Variants in GPR162 observed in about 807,000 individuals in gnomAD.
GPR162 encodes the protein G protein-coupled receptor 162, also known as probable G protein-coupled receptor 162.
A neutral mutation model predicts 44.9 loss-of-function variants in GPR162; 26 were observed. That is an observed-to-expected ratio of 0.58 (90% CI 0.42 to 0.80). The LOEUF (loss-of-function observed/expected upper bound fraction) is 0.80. Ranked by LOEUF, GPR162 falls within the 30% of genes least tolerant of loss-of-function variation. The pLI is 0.00. For synonymous variants in GPR162, 363 were observed against 335.2 expected (o/e 1.08, Z -0.91); for missense variants, 704 against 802.3 (o/e 0.88, Z 1.48).
chr12:6,826,500 C>T (rs1943358208), intron 4 of GPR162, 147 bp downstream of exon 4: 2 of 1,065,624 alleles, frequency 1.9e-6, no homozygotes, highest in African/African-American at 1.6e-5. Context: ...GCAAGAGAGG[C>T]ATCCCTTCAG....
At chr12:6,826,162 T>C (rs1943351810) in intron 3 of GPR162, 34 bp from the exon 4 acceptor site, 2 of 1,593,862 alleles carry the variant, frequency 1.3e-6, no homozygotes, top group African/African-American at 2.7e-5. Context: ...AGGCATTCCC[T>C]ACCTGTAACC....
At chr12:6,826,166 T>G (rs1555119991) in intron 3 of GPR162, 30 bp from the exon 4 acceptor site, 2 of 1,601,254 alleles carry the variant, frequency 1.2e-6, no homozygotes, top group Non-Finnish European at 1.7e-6. Flanking sequence ...ATTCCCTACC[T>G]GTAACCACTC....
chr12:6,826,814 A>C lies in GPR162; in HGVS notation c.1377A>C (p.Arg459Ser). Residue 459 changes from arginine (R) to serine (S), a missense_variant, in exon 5 of 5, where the codon AGA becomes AGC. This residue lies in a region of GPR162 where 404 missense variants were observed against 314.1 expected (regional missense o/e 1.29). Transcript: ENST00000311268. ...LGGPPEYLGQ[R>S]HRLEDEEDEE... Reference sequence around the variant, plus strand: ...GTCCTCCTGAGTACCTGGGACAAAGACACAGGTTGGAGGACGAGGAGGACG... The same window carrying C: ...GTCCTCCTGAGTACCTGGGACAAAGCCACAGGTTGGAGGACGAGGAGGACG... The C allele has an allele frequency of 1.9e-6, 3 of 1,610,352 alleles. No individual in the cohort carries two copies. Among genetic ancestry groups the C allele is most frequent in the Non-Finnish European group, 1.7e-6 (2 of 1,178,154 alleles).
Position 6,824,048 on chromosome 12 carries a change from G to T in GPR162, c.150G>T (p.Leu50=). The part of the protein sequence containing the change: ...AKQQKHKPLE[L]LLCFLAGTHI... ...AGCAGAAGCACAAGCCACTGGAGCTGCTGCTCTGCTTCCTAGCGGGCACAC... is the reference window on the plus strand; with the variant it reads ...AGCAGAAGCACAAGCCACTGGAGCTTCTGCTCTGCTTCCTAGCGGGCACAC... Residue 50 remains leucine (L), a synonymous_variant, in exon 2 of 5, where the codon CTG becomes CTT. Transcript: ENST00000311268. 6.2e-6 allele frequency: 10 copies of T among 1,612,936 alleles called. No homozygotes were observed. The highest frequency in any genetic ancestry group is 8.5e-6 in the Non-Finnish European group (10 of 1,179,832).
intron 3 of GPR162, 44 bp downstream of exon 3, chr12:6,825,717 A>G (rs782230530): frequency 2.7e-6 from 4 of 1,497,116 alleles, no homozygotes; most frequent in Non-Finnish European, 2.7e-6. Flanking sequence ...ACATCTGTCT[A>G]TTCCCTTTTC....
In GPR162 at chr12:6,822,083, C is replaced by T. The variant is rs1222063486; in HGVS notation, c.-432+183C>T. On this transcript the variant is annotated intron_variant, in intron 1 of 4. Transcript: ENST00000311268. This position sits in a 1 kb window ranked among gnomAD's most constrained non-coding sequence, Gnocchi z 4.2. ...CCCTTCACCCCAAAGGGCGAGGGAC[C>T]CCGTCGGCCAGGGAACCTCCCAGAT... Among the ~76,000 whole-genome samples, 2 of 152,166 alleles carry T rather than the reference C, an allele frequency of 1.3e-5. No individual in the cohort carries two copies. Among genetic ancestry groups the T allele is most frequent in the Non-Finnish European group, 2.9e-5 (2 of 68,020 alleles).
In GPR162 at chr12:6,826,180, C is replaced by T. The variant is rs1943352175; in HGVS notation, c.1058-16C>T. ...CATTCCCTACCTGTAACCACTCTGC[C>T]CATTTTCTCTCCTAGATGGGGGCTG... On this transcript the variant is annotated splice_polypyrimidine_tract_variant and intron_variant, in intron 3 of 4. Coordinates refer to ENST00000311268, the MANE Select transcript of GPR162 (RefSeq NM_019858.2). 1 of 1,609,414 alleles carries T rather than the reference C, an allele frequency of 6.2e-7. No individual in the cohort carries two copies. The highest frequency in any genetic ancestry group is 1.3e-5 in the African/African-American group (1 of 74,814).
chr12:6,825,017 C>T (rs1373754167), intron 2 of GPR162: 7 of 675,896 alleles, frequency 1.0e-5, no homozygotes, highest in African/African-American at 3.5e-5. Flanking sequence ...GCTCCATCAC[C>T]GTCCTTCAGT....
At position 6,826,311 on chromosome 12, in the gene GPR162, G is replaced by T; in HGVS notation, c.1173G>T (p.Arg391Ser). ...CCCAGGTGAAGCTGCTGCCTGGAAG[G>T]CACATGCTCTTCCCTCCTCTTGAGA... ...DPAQVKLLPG[R>S]HMLFPPLERV... Residue 391 changes from arginine to serine, a missense_variant, in exon 4 of 5, where the codon AGG (arginine) becomes AGT (serine). This residue lies in a region of GPR162 where 404 missense variants were observed against 314.1 expected (regional missense o/e 1.29). Transcript: ENST00000311268. The T allele has an allele frequency of 6.2e-7, 1 of 1,613,730 alleles. No homozygotes were observed.
In GPR162 at chr12:6,826,191, C is replaced by T; in HGVS notation, c.1058-5C>T. 2.5e-6 allele frequency: 4 copies of T among 1,612,126 alleles called. No homozygotes were observed. Among genetic ancestry groups the T allele is most frequent in the South Asian group, 2.2e-5 (2 of 90,950 alleles). ...TGTAACCACTCTGCCCATTTTCTCT[C>T]CTAGATGGGGGCTGTGACGACTATG... On this transcript the variant is annotated splice_region_variant and splice_polypyrimidine_tract_variant and intron_variant, in intron 3 of 4. Transcript: ENST00000311268.
rs140165402 is a variant in GPR162, at chr12:6,826,254, C to T, written c.1116C>T (p.Asn372=). The stretch of plus-strand genomic sequence containing the variant: ...TTTGCAAAGTTCGCTTTGATGCTAA[C>T]GGAGCCACAGGACCAGGGAGCCGGG... ...GRVCKVRFDA[N]GATGPGSRDP... The change falls in exon 4 of 5, where the codon AAC becomes AAT. Residue 372 remains asparagine (N), a synonymous_variant. Transcript: ENST00000311268. 2.6e-4 allele frequency: 427 copies of T among 1,613,990 alleles called. No homozygotes were observed. The highest frequency in any genetic ancestry group is 2.1e-3 in the Middle Eastern group (13 of 6,060).
Position 6,822,232 on chromosome 12 carries a change from G to T in GPR162, c.-432+332G>T, listed in dbSNP as rs569289746. 3.4e-4 allele frequency among the ~76,000 whole-genome samples: 51 copies of T among 152,232 alleles called. 1 individual carries two copies. The highest frequency in any genetic ancestry group is 1.2e-3 in the African/African-American group (50 of 41,540). On this transcript the variant is annotated intron_variant, in intron 1 of 4. Transcript: ENST00000311268. The surrounding 1 kb of genome is among the most constrained non-coding windows in gnomAD (Gnocchi z 4.2). ...CTTTCATCCTGAGCCCACCAGCTGG[G>T]CCTGGGTGGAGGTGGGTGGGAAGGG...
In GPR162 at chr12:6,827,150, T is replaced by C. The variant is rs1943376137; in HGVS notation, c.1713T>C (p.Ala571=). Reference sequence around the variant, plus strand: ...CGGGGGGTGAAGAAAGTGCAAGGGCTTGGGGAGGATCCTGGGGCCCAGGCA... The same window carrying C: ...CGGGGGGTGAAGAAAGTGCAAGGGCCTGGGGAGGATCCTGGGGCCCAGGCA... ...SLTGGEESAR[A]WGGSWGPGNP... Residue 571 remains alanine, a synonymous_variant, in exon 5 of 5, where the codon GCT becomes GCC. Transcript: ENST00000311268. 6.2e-7 allele frequency: 1 copy of C among 1,612,982 alleles called. No individual in the cohort carries two copies. The highest frequency in any genetic ancestry group is 2.2e-5 in the East Asian group (1 of 44,886).
Position 6,826,985 on chromosome 12 carries a change from T to C in GPR162, c.1548T>C (p.Ser516=). 6.2e-7 allele frequency: 1 copy of C among 1,613,292 alleles called. No homozygotes were observed. The highest frequency in any genetic ancestry group is 1.1e-5 in the South Asian group (1 of 91,082). The part of the protein sequence containing the change: ...TTFIDETPLP[S]PTASPGHSPR... ...TCATCGATGAGACACCTCTGCCTTC[T>C]CCGACTGCCTCACCAGGGCACTCTC... The change falls in exon 5 of 5, where the codon TCT becomes TCC. Residue 516 remains serine (S), a synonymous_variant. Coordinates refer to ENST00000311268, the MANE Select transcript of GPR162 (RefSeq NM_019858.2).
Position 6,826,252 on chromosome 12 carries a change from A to G in GPR162, c.1114A>G (p.Asn372Asp), listed in dbSNP as rs1943353705. 1.2e-6 allele frequency: 2 copies of G among 1,613,896 alleles called. No homozygotes were observed. The highest frequency in any genetic ancestry group is 8.5e-7 in the Non-Finnish European group (1 of 1,179,944). ...GRVCKVRFDA[N>D]GATGPGSRDP... ...AGTTTGCAAAGTTCGCTTTGATGCT[A>G]ACGGAGCCACAGGACCAGGGAGCCG... The change falls in exon 4 of 5, where the codon AAC (asparagine) becomes GAC (aspartate). Residue 372 changes from asparagine to aspartate, a missense_variant. This residue lies in a region of GPR162 where 404 missense variants were observed against 314.1 expected (regional missense o/e 1.29). Transcript: ENST00000311268.
At position 6,824,075 on chromosome 12, in the gene GPR162, C is replaced by A; in HGVS notation, c.177C>A (p.His59Gln). Residue 59 changes from histidine to glutamine, a missense_variant, in exon 2 of 5, where the codon CAC (histidine) becomes CAA (glutamine). Transcript: ENST00000311268. ...ELLLCFLAGT[H>Q]ILMAAVPLTT... is the part of the protein sequence containing the mutation. ...TGCTCTGCTTCCTAGCGGGCACACA[C>A]ATACTCATGGCAGCTGTGCCCCTCA... 6.2e-7 allele frequency: 1 copy of A among 1,613,726 alleles called. No individual in the cohort carries two copies. Among genetic ancestry groups the A allele is most frequent in the Non-Finnish European group, 8.5e-7 (1 of 1,179,932 alleles).
rs1555120204 is a variant in GPR162 at position 6,826,763 on chromosome 12, C to T, written c.1326C>T (p.Leu442=). 5 of 1,607,636 alleles carry T rather than the reference C, an allele frequency of 3.1e-6. No individual in the cohort carries two copies. Among genetic ancestry groups the T allele is most frequent in the Non-Finnish European group, 2.5e-6 (3 of 1,177,050 alleles). Residue 442 remains leucine, a synonymous_variant, in exon 5 of 5, where the codon CTC becomes CTT. Transcript: ENST00000311268. ...KWSSSDDIRV[L]PAQSRALGGP... is the part of the protein sequence containing the mutation. Reference sequence around the variant, plus strand: ...CATCCTCTGATGACATCCGGGTCCTCCCAGCCCAGAGCCGGGCCCTCGGGG... The same window carrying T: ...CATCCTCTGATGACATCCGGGTCCTTCCAGCCCAGAGCCGGGCCCTCGGGG...
At chr12:6,826,431 C>T (rs1437070115) in intron 4 of GPR162, 78 bp downstream of exon 4, 19 of 1,364,596 alleles carry the variant, frequency 1.4e-5, no homozygotes, top group Non-Finnish European at 1.8e-5. Context: ...GCACCCCAAT[C>T]CCCTCTTCCC....
At position 6,827,315 on chromosome 12, in the gene GPR162, T is replaced by C. The variant is rs76136313; in HGVS notation, c.*111T>C. ...ACTCTGGGGAGACGGGCGCTAGATT[T>C]GGGGCTCAGAAGGCCCTGCTCTCTC... is the stretch of plus-strand genomic sequence containing the variant. On this transcript the variant is annotated 3_prime_UTR_variant, in exon 5 of 5. Transcript: ENST00000311268. 7,001 of 899,116 alleles carry C rather than the reference T, an allele frequency of 7.8e-3. 301 individuals are homozygous for C. In the African/African-American group the frequency reaches 0.098, roughly 13 times the overall value. The allele number at this position is 899,116 out of a possible 1,614,324, so 55.7% of individuals were successfully genotyped here. A position where few individuals can be genotyped will look rare whatever the true frequency, so the allele number is the denominator to read the frequency against.
Sources: allele counts gnomAD v4.1 joint callset (sites outside exome capture counted in the v4.1 genomes callset), GRCh38; gene constraint gnomAD v4.1.1; regional missense constraint gnomAD v4.1.1; non-coding constraint Gnocchi (gnomAD v3.1); transcripts MANE v1.5; gene names NCBI Gene and HGNC (gene_info 2026-07-23, HGNC 2026-07-21).